The following UGT1A7 variants were observed in gnomAD, a reference collection of about 807,000 sequenced individuals.
UGT1A7 encodes UDP-glucuronosyltransferase 1A7.
Under a neutral mutation model 45.6 loss-of-function variants are expected in UGT1A7, and 33 were observed. The ratio of observed to expected loss-of-function variants is 0.72; its 90% confidence interval spans 0.55 to 0.97. The LOEUF (loss-of-function observed/expected upper bound fraction) is 0.97. Ranked by LOEUF, UGT1A7 falls within the 50% of genes least tolerant of loss-of-function variation. The pLI is 0.00. For synonymous variants in UGT1A7, 274 were observed against 250.6 expected, an observed-to-expected ratio of 1.09 and a Z score of -0.88; for missense variants, 684 against 666.2, an observed-to-expected ratio of 1.03 and a Z score of -0.29.
chr2:233,738,373 AC>A (rs1456514081), intron 1 of UGT1A7, among the ~76,000 whole-genome samples: 3 of 152,222 alleles, frequency 2.0e-5, no homozygotes, highest in Non-Finnish European at 4.4e-5. Context: ...CTATAAAACT[AC>A]TTGAAAATGT....
chr2:233,761,781 G>A (rs527861889), intron 1 of UGT1A7, among the ~76,000 whole-genome samples: 8 of 152,266 alleles, frequency 5.3e-5, no homozygotes, highest in South Asian at 2.1e-4. Flanking sequence ...CATCCTCATC[G>A]AAATCTCAGC....
chr2:233,760,221 A>C, intron 1 of UGT1A7: 4 of 1,592,732 alleles, frequency 2.5e-6, no homozygotes, highest in Non-Finnish European at 3.4e-6. Flanking sequence ...TGGTGTATCG[A>C]TTGGTTTTTG....
chr2:233,740,736 C>T (rs1691460143), intron 1 of UGT1A7: 1 of 151,674 alleles, frequency 6.6e-6, no homozygotes, highest in African/African-American at 2.4e-5. Context: ...GGAAATGCCC[C>T]CTTTTACACT....
intron 1 of UGT1A7, among the ~76,000 whole-genome samples, chr2:233,764,026 T>C (rs980223655): frequency 5.3e-5 from 8 of 152,158 alleles, no homozygotes; most frequent in African/African-American, 1.9e-4. Flanking sequence ...GGTGTCTAAG[T>C]GCTAAAGAAG....
Position 233,706,266 on chromosome 2 carries a change from C to T in UGT1A7, c.855+23474C>T, listed in dbSNP as rs377506565. Among the ~76,000 whole-genome samples, 11 of 152,174 alleles carry T rather than the reference C, an allele frequency of 7.2e-5. No homozygotes were observed. In the East Asian group the frequency reaches 9.6e-4, roughly 13 times the overall value. ...GAGAGAACCAGGGCAGCTGGATTGC[C>T]CAACCTCAGGGGTGGGGCCCAGTGC... On this transcript the variant is annotated intron_variant, in intron 1 of 4. Coordinates refer to ENST00000373426, the MANE Select transcript of UGT1A7 (RefSeq NM_019077.3).
intron 1 of UGT1A7, among the ~76,000 whole-genome samples, chr2:233,712,058 A>T (rs1188921458): frequency 6.6e-6 from 1 of 152,228 alleles, no homozygotes; most frequent in African/African-American, 2.4e-5. Context: ...GCCTGACCAT[A>T]ATCTTCAGGA....
intron 2 of UGT1A7, 25 bp downstream of exon 2, chr2:233,767,190 T>G: frequency 6.2e-7 from 1 of 1,613,838 alleles, no homozygotes; most frequent in Non-Finnish European, 8.5e-7. Flanking sequence ...TACCATGGCC[T>G]CATATCTATT....
At chr2:233,757,535 A>AATAAATATACATATACATATATATATAT (rs1553619837) in intron 1 of UGT1A7, among the ~76,000 whole-genome samples, 4 of 88,284 alleles carry the variant, frequency 4.5e-5, no homozygotes, top group African/African-American at 2.0e-4. Flanking sequence ...GCCTGTAAGG[A>AATAAATATACATATACATATATATATAT]ATATATATAT....
chr2:233,732,755 GTT>G (rs956485327), intron 1 of UGT1A7, among the ~76,000 whole-genome samples: 5 of 120,192 alleles, frequency 4.2e-5, no homozygotes, highest in Non-Finnish European at 9.1e-5. Context: ...CACCAGCTTT[GTT>G]TTTTTTTTTT....
intron 1 of UGT1A7, chr2:233,713,552 T>G (rs917913178): frequency 1.9e-6 from 3 of 1,613,858 alleles, no homozygotes; most frequent in Non-Finnish European, 2.5e-6. Flanking sequence ...GCACACAGTG[T>G]CCAAACCCTT....
intron 1 of UGT1A7, among the ~76,000 whole-genome samples, chr2:233,744,897 C>T (rs1246744781): frequency 6.6e-6 from 1 of 151,970 alleles, no homozygotes; most frequent in East Asian, 1.9e-4. Context: ...CCTCTCCATA[C>T]CAAAATCTAG....
Position 233,769,754 on chromosome 2 carries a change from C to T in UGT1A7, c.1295+1315C>T. On this transcript the variant is annotated intron_variant, in intron 4 of 4. Coordinates refer to ENST00000373426, the MANE Select transcript of UGT1A7 (RefSeq NM_019077.3). The surrounding 1 kb of genome is among the most constrained non-coding windows in gnomAD (Gnocchi z 4.4). ...CCTGTAGTCCCAGCCACTCTGGAGGCTAAGGCGGGAGGATTGCTTGAGCCC... is the reference window on the plus strand; with the variant it reads ...CCTGTAGTCCCAGCCACTCTGGAGGTTAAGGCGGGAGGATTGCTTGAGCCC... The T allele has an allele frequency of 7.0e-7, 1 of 1,426,418 alleles. No homozygotes were observed. Among genetic ancestry groups the T allele is most frequent in the African/African-American group, 1.4e-5 (1 of 70,050 alleles). The allele number at this position is 1,426,418 out of a possible 1,614,324, so 88.4% of individuals were successfully genotyped here.
chr2:233,760,878 C>T (rs1697595439), intron 1 of UGT1A7: 1 of 1,614,062 alleles, frequency 6.2e-7, no homozygotes, highest in Admixed American at 1.7e-5. Context: ...CCAGGCCTCT[C>T]TCCTCTCATT....
At chr2:233,765,730 T>TAATAAA (rs1427774434) in intron 1 of UGT1A7, among the ~76,000 whole-genome samples, 195 of 150,280 alleles carry the variant, frequency 1.3e-3, no homozygotes, top group Admixed American at 3.5e-3. Context: ...ATAATAATAA[T>TAATAAA]AAATAAACCC....
In UGT1A7 at chr2:233,724,166, C is replaced by A. The variant is rs1252861815; in HGVS notation, c.855+41374C>A. 7.0e-5 allele frequency among the ~76,000 whole-genome samples: 8 copies of A among 114,362 alleles called. No individual in the cohort carries two copies. In the East Asian group the frequency reaches 1.8e-3, roughly 26 times the overall value. The allele number at this position is 114,362 out of a possible 152,430, so 75.0% of individuals were successfully genotyped here. On this transcript the variant is annotated intron_variant, in intron 1 of 4. Transcript: ENST00000373426. Reference sequence around the variant, plus strand: ...CGGCTGGCCGGGTGGGGGGGCTGACCCCCCCATCTCCCTCCCGGACGGGGT... The same window carrying A: ...CGGCTGGCCGGGTGGGGGGGCTGACACCCCCATCTCCCTCCCGGACGGGGT...
At chr2:233,755,100 G>C (rs920872791) in intron 1 of UGT1A7, 1 of 1,335,078 alleles carries the variant, frequency 7.5e-7, no homozygotes, top group Non-Finnish European at 1.0e-6. Flanking sequence ...CTACGCGTCC[G>C]ACAACACCTC....
intron 1 of UGT1A7, chr2:233,692,726 C>A: frequency 1.1e-6 from 1 of 900,732 alleles, no homozygotes; most frequent in Non-Finnish European, 1.5e-6. Flanking sequence ...GTTGCTATAA[C>A]TTTTCAGAGA....
chr2:233,743,887 C>G (rs1296707110), intron 1 of UGT1A7: 23 of 1,366,658 alleles, frequency 1.7e-5, no homozygotes, highest in Non-Finnish European at 2.3e-5. Flanking sequence ...CCTGCCGGGG[C>G]ACGTCCAGCA....
In UGT1A7 at chr2:233,741,861, A is replaced by T. The variant is rs1406457842; in HGVS notation, c.856-25173A>T. On this transcript the variant is annotated intron_variant, in intron 1 of 4. Transcript: ENST00000373426. ...GCCTTTTGCTCTCATGCCTTATGCA[A>T]ACCTTTCCTCAGAGGTGACCCTAGA... The T allele has an allele frequency of 2.6e-5, 4 of 151,886 alleles. No individual in the cohort carries two copies. The East Asian group carries it at 7.7e-4, about 29-fold the overall frequency. The allele number at this position is 151,886 out of a possible 1,614,324, so 9.4% of individuals were successfully genotyped here.
Sources: allele counts gnomAD v4.1 joint callset (sites outside exome capture counted in the v4.1 genomes callset), GRCh38; gene constraint gnomAD v4.1.1; non-coding constraint Gnocchi (gnomAD v3.1); transcripts MANE v1.5; gene names NCBI Gene and HGNC (gene_info 2026-07-23, HGNC 2026-07-21).